Variants in PAPPA2 observed in about 807,000 individuals in gnomAD.
PAPPA2 encodes pappalysin 2.
A neutral mutation model predicts 176.4 loss-of-function variants in PAPPA2; 86 were observed. That is an observed-to-expected ratio of 0.49 (90% CI 0.41 to 0.58). PAPPA2 has a LOEUF of 0.58. PAPPA2 is among the 20% of genes least tolerant of loss of function. PAPPA2 has a pLI of 0.00. For missense variants in PAPPA2, 2,073 were observed against 2,256.9 expected (o/e 0.92, Z 1.65); for synonymous variants, 809 against 852.2 (o/e 0.95, Z 0.88).
At chr1:176,636,443 C>A (rs1463690991) in intron 3 of PAPPA2, among the ~76,000 whole-genome samples, 1 of 152,092 alleles carries the variant, frequency 6.6e-6, no homozygotes, top group Non-Finnish European at 1.5e-5. Context: ...CTGTTAATTC[C>A]TATCAATTGT....
intron 3 of PAPPA2, among the ~76,000 whole-genome samples, chr1:176,608,621 C>T (rs1034746207): frequency 3.9e-5 from 6 of 151,980 alleles, no homozygotes; most frequent in African/African-American, 1.5e-4. Context: ...TCTGTTTTAT[C>T]GACAGTGCAG....
At chr1:176,543,399 C>T (rs1297523129) in intron 1 of PAPPA2, among the ~76,000 whole-genome samples, 1 of 152,116 alleles carries the variant, frequency 6.6e-6, no homozygotes, top group African/African-American at 2.4e-5. Flanking sequence ...CCCTCAATCC[C>T]CTTGTTCTCC....
intron 3 of PAPPA2, among the ~76,000 whole-genome samples, chr1:176,623,006 A>G (rs1655680971): frequency 6.6e-6 from 1 of 152,122 alleles, no homozygotes; most frequent in Non-Finnish European, 1.5e-5. Context: ...TAAGGGCACT[A>G]ATCTCATTCA....
Position 176,735,303 on chromosome 1 carries a change from A to C in PAPPA2, c.3799-4323A>C, listed in dbSNP as rs114788816. On this transcript the variant is annotated intron_variant, in intron 12 of 22. Coordinates refer to ENST00000367662, the MANE Select transcript of PAPPA2 (RefSeq NM_020318.3). ...TCTAAGGTCTTCTGTTTCCCTGTGG[A>C]ATCAGGAAGTGCCATAGATGAGTGA... Among the ~76,000 whole-genome samples the C allele has an allele frequency of 8.5e-3, 1,295 of 152,188 alleles. 23 individuals carry two copies. Among genetic ancestry groups the C allele is most frequent in the African/African-American group, 0.028 (1,180 of 41,538 alleles).
At chr1:176,549,271 C>A (rs1223149991) in intron 1 of PAPPA2, among the ~76,000 whole-genome samples, 1 of 152,152 alleles carries the variant, frequency 6.6e-6, no homozygotes, top group East Asian at 1.9e-4. Flanking sequence ...AAGTCACATT[C>A]GAATATATGG....
At chr1:176,628,060 T>A (rs1437340996) in intron 3 of PAPPA2, among the ~76,000 whole-genome samples, 3 of 152,134 alleles carry the variant, frequency 2.0e-5, no homozygotes, top group African/African-American at 7.2e-5. Context: ...CACTCGAGAT[T>A]AAAGACCATG....
chr1:176,544,130 A>G (rs1173276862), intron 1 of PAPPA2, among the ~76,000 whole-genome samples: 1 of 152,230 alleles, frequency 6.6e-6, no homozygotes, highest in Non-Finnish European at 1.5e-5. Flanking sequence ...GGGGATATCC[A>G]GAGCCTAGGG....
Position 176,793,565 on chromosome 1 carries a change from G to C in PAPPA2, c.5026G>C (p.Val1676Leu), listed in dbSNP as rs535965276. 23 of 1,608,048 alleles carry C rather than the reference G, an allele frequency of 1.4e-5. No individual in the cohort carries two copies. The highest frequency in any genetic ancestry group is 6.6e-5 in the South Asian group (6 of 90,804). The change falls in exon 20 of 23, where the codon GTG becomes CTG. Residue 1676 changes from valine (V) to leucine (L), a missense_variant. Coordinates refer to ENST00000367662, the MANE Select transcript of PAPPA2 (RefSeq NM_020318.3). ...GTAAACTTCTGTTCTTTCAGGTGCA[G>C]TGTGTTCCCCATTGTGTGTAATCCC... is the stretch of plus-strand genomic sequence containing the variant. ...KCEQGYGIGAVCSPLCVIPPS... is the reference protein window; with the variant it reads ...KCEQGYGIGALCSPLCVIPPS...
In PAPPA2 at chr1:176,557,323, G is replaced by T. The variant is rs1651379253; in HGVS notation, c.919+82G>T. The T allele has an allele frequency of 3.5e-6, 5 of 1,441,804 alleles. No homozygotes were observed. In the East Asian group the frequency reaches 1.2e-4, roughly 36 times the overall value. The allele number at this position is 1,441,804 out of a possible 1,614,324, so 89.3% of individuals were successfully genotyped here. A position where few individuals can be genotyped will look rare whatever the true frequency, so the allele number is the denominator to read the frequency against. On this transcript the variant is annotated intron_variant, in intron 2 of 22. Transcript: ENST00000367662. ...TGACGGGTTAGACATAGGGAGCGAG[G>T]ATGGGAAGGGGACCCAACAGGAAAG...
chr1:176,498,348 A>C lies in PAPPA2; in HGVS notation c.-917+34930A>C, dbSNP rs535993352. Among the ~76,000 whole-genome samples, 7 of 152,212 alleles carry C rather than the reference A, an allele frequency of 4.6e-5. No individual in the cohort carries two copies. The South Asian group carries it at 1.5e-3, about 32-fold the overall frequency. On this transcript the variant is annotated intron_variant, in intron 1 of 22. Transcript: ENST00000367662. ...CAATTCTCTCTCCTTAGCCACAGAG[A>C]TTCATCCCAGCATAGACACCTATCA...
chr1:176,748,601 C>T (rs540771935), intron 14 of PAPPA2, among the ~76,000 whole-genome samples: 9 of 151,838 alleles, frequency 5.9e-5, no homozygotes, highest in Non-Finnish European at 1.2e-4. Flanking sequence ...AATGTGTTTC[C>T]TAGAAAATAA....
chr1:176,603,182 C>T (rs1654420928), intron 3 of PAPPA2, among the ~76,000 whole-genome samples: 1 of 152,212 alleles, frequency 6.6e-6, no homozygotes, highest in African/African-American at 2.4e-5. Context: ...TCGGCTTTTT[C>T]CTAGGAGTTG....
chr1:176,649,084 A>G (rs907312325), intron 3 of PAPPA2, among the ~76,000 whole-genome samples: 1 of 151,026 alleles, frequency 6.6e-6, no homozygotes, highest in Non-Finnish European at 1.5e-5. Context: ...TTGATGGGAG[A>G]CTTTTTATTA....
At chr1:176,530,624 A>G (rs1375740359) in intron 1 of PAPPA2, among the ~76,000 whole-genome samples, 1 of 151,976 alleles carries the variant, frequency 6.6e-6, no homozygotes, top group Non-Finnish European at 1.5e-5. Context: ...AATCTGTAGA[A>G]CTCTTCTTTT....
chr1:176,537,719 AGTGTGTGTGT>A (rs57602344), intron 1 of PAPPA2, among the ~76,000 whole-genome samples: 3 of 143,926 alleles, frequency 2.1e-5, no homozygotes, highest in East Asian at 2.1e-4. Context: ...GTAGGTATGG[AGTGTGTGTGT>A]GTGTGTGTGT....
chr1:176,693,648 C>A (rs1449471383), intron 6 of PAPPA2, among the ~76,000 whole-genome samples: 2 of 152,148 alleles, frequency 1.3e-5, no homozygotes, highest in Admixed American at 6.5e-5. Context: ...GATTTTGATA[C>A]CTGTCCCTGA....
At chr1:176,749,282 T>A (rs1175346070) in intron 14 of PAPPA2, among the ~76,000 whole-genome samples, 1 of 152,186 alleles carries the variant, frequency 6.6e-6, no homozygotes, top group Non-Finnish European at 1.5e-5. Flanking sequence ...ATTTTTAAGG[T>A]CTTTATTCTT....
chr1:176,551,415 G>A (rs758478797), intron 1 of PAPPA2, among the ~76,000 whole-genome samples: 21 of 152,192 alleles, frequency 1.4e-4, no homozygotes, highest in Non-Finnish European at 1.8e-4. Context: ...GCTCCCAGCT[G>A]AGCTTTTCCT....
At chr1:176,558,685 A>T (rs1046225301) in intron 2 of PAPPA2, among the ~76,000 whole-genome samples, 6 of 152,122 alleles carry the variant, frequency 3.9e-5, no homozygotes, top group Non-Finnish European at 8.8e-5. Flanking sequence ...TAATGAGATG[A>T]TTATCTGATC....
Sources: allele counts gnomAD v4.1 joint callset (sites outside exome capture counted in the v4.1 genomes callset), GRCh38; gene constraint gnomAD v4.1.1; transcripts MANE v1.5; gene names NCBI Gene and HGNC (gene_info 2026-07-23, HGNC 2026-07-21).